PPP2R2B: variants seen among roughly 807,000 people sequenced by gnomAD.
The protein encoded by PPP2R2B is serine/threonine-protein phosphatase 2A 55 kDa regulatory subunit B beta isoform.
PPP2R2B carries 5 observed loss-of-function variants against 46.0 expected under a neutral mutation model. The ratio of observed to expected loss-of-function variants is 0.11; its 90% CI spans 0.06 to 0.23. The LOEUF is 0.23. Ranked by LOEUF, PPP2R2B falls within the 10% of genes least tolerant of loss-of-function variation. The pLI is 1.00. For synonymous variants in PPP2R2B, 215 were observed against 206.7 expected (o/e 1.04, Z -0.34); for missense variants, 367 against 575.0 (o/e 0.64, Z 3.70).
At chr5:146,690,398 T>C (rs906460311) in intron 5 of PPP2R2B, among the ~76,000 whole-genome samples, 5 of 152,224 alleles carry the variant, frequency 3.3e-5, no homozygotes, top group Non-Finnish European at 7.3e-5. Flanking sequence ...TTCCTCCTTT[T>C]ATCAAATTGC....
chr5:146,904,485 A>C (rs1167628109), intron 1 of PPP2R2B, among the ~76,000 whole-genome samples: 1 of 152,158 alleles, frequency 6.6e-6, no homozygotes, highest in Non-Finnish European at 1.5e-5. Context: ...AACTAGAGGA[A>C]AGTTGTAGAA....
chr5:146,654,480 G>C (rs1218155175), intron 5 of PPP2R2B, among the ~76,000 whole-genome samples: 1 of 152,198 alleles, frequency 6.6e-6, no homozygotes, highest in Non-Finnish European at 1.5e-5. Flanking sequence ...ACTTTGGAAA[G>C]GCTCTGTGGT....
intron 2 of PPP2R2B, among the ~76,000 whole-genome samples, chr5:146,768,150 TAC>T: frequency 6.6e-6 from 1 of 152,194 alleles, no homozygotes; most frequent in East Asian, 1.9e-4. Context: ...CACAGCTCAC[TAC>T]AGTCTCCACC....
intron 2 of PPP2R2B, among the ~76,000 whole-genome samples, chr5:146,730,583 C>T (rs1752167238): frequency 6.6e-6 from 1 of 152,134 alleles, no homozygotes. Flanking sequence ...GTAATTGCAT[C>T]ATGAGGGCCA....
chr5:147,081,290 G>C, exon 1 of PPP2R2B: 1 of 1,535,628 alleles, frequency 6.5e-7, no homozygotes, highest in Non-Finnish European at 8.7e-7. Flanking sequence ...AGACCCTAGT[G>C]AGTCCTGAGA....
Position 146,637,726 on chromosome 5 carries a change from T to C in PPP2R2B, c.790+525A>G, listed in dbSNP as rs142042792. Among the ~76,000 whole-genome samples, 103 of 152,266 alleles carry C rather than the reference T, an allele frequency of 6.8e-4. 2 individuals carry two copies. In the East Asian group the frequency reaches 0.019, roughly 27 times the overall value. ...TCTCTCCAAGAAGCCACCAGCTCCT[T>C]CCCCCAGCTGCTGTTCTAGATGGCT... is the stretch of plus-strand genomic sequence containing the variant. On this transcript the variant is annotated intron_variant, in intron 7 of 9. Coordinates refer to ENST00000394411, the MANE Select transcript of PPP2R2B (RefSeq NM_181675.4).
rs1195869354 is a variant in PPP2R2B at position 147,073,123 on chromosome 5, C to T, written c.50+7936G>A. On this transcript the variant is annotated intron_variant, in intron 2 of 10. Coordinates refer to the PPP2R2B transcript ENST00000394413. ...TCATCGTCCAGCCCAGTGCCTGGCA[C>T]ATACTAGGTGCTCCATAAATATTTG... is the stretch of plus-strand genomic sequence containing the variant. 2.0e-5 allele frequency among the ~76,000 whole-genome samples: 3 copies of T among 152,202 alleles called. No individual in the cohort carries two copies. The East Asian group carries it at 5.8e-4, about 29-fold the overall frequency.
intron 5 of PPP2R2B, among the ~76,000 whole-genome samples, chr5:146,653,167 C>T (rs369304070): frequency 6.6e-6 from 1 of 152,144 alleles, no homozygotes; most frequent in South Asian, 2.1e-4. Context: ...TGCCCAGCTA[C>T]AGGAAGCATA....
intron 1 of PPP2R2B, among the ~76,000 whole-genome samples, chr5:146,902,960 T>C (rs1762882257): frequency 6.6e-6 from 1 of 152,192 alleles, no homozygotes; most frequent in African/African-American, 2.4e-5. Context: ...AATACGAAGA[T>C]GTTATTTGCT....
intron 2 of PPP2R2B, among the ~76,000 whole-genome samples, chr5:146,770,671 G>A (rs1321077124): frequency 1.3e-5 from 2 of 152,162 alleles, no homozygotes; most frequent in Non-Finnish European, 2.9e-5. Flanking sequence ...AGAGTTGAGG[G>A]AGCAAGTAAA....
chr5:146,745,449 C>G (rs1753130947), intron 2 of PPP2R2B, among the ~76,000 whole-genome samples: 1 of 152,184 alleles, frequency 6.6e-6, no homozygotes. Context: ...AATATATCAG[C>G]ATTTTGTCAG....
At chr5:146,856,690 T>C in intron 2 of PPP2R2B, 2 of 767,488 alleles carry the variant, frequency 2.6e-6, no homozygotes, top group Non-Finnish European at 4.4e-6. Context: ...CCCTACCATC[T>C]CTTTGGGAGA....
intron 2 of PPP2R2B, among the ~76,000 whole-genome samples, chr5:147,072,709 A>G (rs1757636952): frequency 1.3e-5 from 2 of 152,182 alleles, no homozygotes; most frequent in Admixed American, 1.3e-4. Context: ...TATCATTATT[A>G]TTACTCTACC....
At chr5:146,888,316 C>T (rs1762392701) in intron 1 of PPP2R2B, among the ~76,000 whole-genome samples, 1 of 152,058 alleles carries the variant, frequency 6.6e-6, no homozygotes, top group Non-Finnish European at 1.5e-5. Flanking sequence ...CCCACAATAC[C>T]CTGCCCCACC....
intron 2 of PPP2R2B, among the ~76,000 whole-genome samples, chr5:146,731,401 A>C (rs1318934053): frequency 1.3e-5 from 2 of 152,208 alleles, no homozygotes; most frequent in Non-Finnish European, 1.5e-5. Flanking sequence ...GTGCTAATGG[A>C]AAATTAAAAT....
chr5:146,652,493 A>T (rs1776040019), intron 5 of PPP2R2B, among the ~76,000 whole-genome samples: 1 of 152,144 alleles, frequency 6.6e-6, no homozygotes, highest in Admixed American at 6.5e-5. Flanking sequence ...AAAAGAGAGG[A>T]TATACTGCCA....
At chr5:146,985,464 C>CA (rs1753384836) in intron 1 of PPP2R2B, among the ~76,000 whole-genome samples, 1 of 152,048 alleles carries the variant, frequency 6.6e-6, no homozygotes, top group African/African-American at 2.4e-5. Flanking sequence ...GGGTCAAATT[C>CA]AAAAAATTAT....
intron 2 of PPP2R2B, among the ~76,000 whole-genome samples, chr5:146,826,434 C>A (rs1018442710): frequency 2.6e-5 from 4 of 151,962 alleles, no homozygotes; most frequent in African/African-American, 9.7e-5. Context: ...TGAAAATAAG[C>A]TTTTTTAGGA....
chr5:147,033,058 G>A (rs1419826543), intron 1 of PPP2R2B, among the ~76,000 whole-genome samples: 2 of 152,002 alleles, frequency 1.3e-5, no homozygotes, highest in Non-Finnish European at 2.9e-5. Context: ...AAAATTATGA[G>A]ACCATGCTAT....
Sources: gnomAD v4.1 joint callset for allele counts (sites outside exome capture counted in the v4.1 genomes callset) on GRCh38, gnomAD v4.1.1 for gene constraint, MANE v1.5 for transcripts, NCBI Gene and HGNC (gene_info 2026-07-23, HGNC 2026-07-21) for gene names.